RSBN1L: variants seen among roughly 807,000 people sequenced by gnomAD.
RSBN1L encodes round spermatid basic protein 1 like.
In RSBN1L, 30 loss-of-function variants were observed where a neutral mutation model predicts 67.7. That is an observed-to-expected ratio of 0.44 (90% CI 0.33 to 0.60). The LOEUF (loss-of-function observed/expected upper bound fraction) is 0.60. RSBN1L is among the 20% of genes least tolerant of loss of function. The pLI, the probability that RSBN1L is intolerant of heterozygous loss-of-function variation, is 0.02. For missense variants in RSBN1L, 992 were observed against 1,031.7 expected (o/e 0.96, Z 0.53); for synonymous variants, 433 against 387.0 (o/e 1.12, Z -1.39).
In RSBN1L at chr7:77,782,378, C is replaced by T. The variant is rs1166519482; in HGVS notation, c.*3210C>T. 2.0e-5 allele frequency: 3 copies of T among 152,068 alleles called. No individual in the cohort carries two copies. Among genetic ancestry groups the T allele is most frequent in the African/African-American group, 7.2e-5 (3 of 41,386 alleles). 9.4% of individuals were successfully genotyped at this position (152,068 alleles called of 1,614,324 possible). A position where few individuals can be genotyped will look rare whatever the true frequency, so the allele number is the denominator to read the frequency against. On this transcript the variant is annotated 3_prime_UTR_variant, in exon 8 of 8. Coordinates refer to ENST00000334955, the MANE Select transcript of RSBN1L (RefSeq NM_198467.3). ...GACCTTTACATAAAAACTAAGGTAC[C>T]TCAGTGGAATCTGCTACAGTGCTTC...
intron 5 of RSBN1L, among the ~76,000 whole-genome samples, chr7:77,771,663 C>T (rs1040457586): frequency 6.6e-6 from 1 of 151,980 alleles, no homozygotes; most frequent in African/African-American, 2.4e-5. Flanking sequence ...GCGTGAACCA[C>T]CATTCCCAGC....
intron 1 of RSBN1L, among the ~76,000 whole-genome samples, chr7:77,730,082 CT>C (rs1791254947): frequency 6.6e-6 from 1 of 152,020 alleles, no homozygotes. Flanking sequence ...TATATGATTT[CT>C]TTTTTGTTCT....
intron 1 of RSBN1L, among the ~76,000 whole-genome samples, chr7:77,726,571 C>T (rs1272751504): frequency 6.6e-6 from 1 of 152,058 alleles, no homozygotes; most frequent in East Asian, 1.9e-4. Context: ...CTAGCTTTCC[C>T]TACTGATTTC....
chr7:77,705,957 G>A (rs933148395), intron 1 of RSBN1L, among the ~76,000 whole-genome samples: 3 of 151,950 alleles, frequency 2.0e-5, no homozygotes, highest in Non-Finnish European at 4.4e-5. Context: ...CTGGAGTGCT[G>A]TGATGTGATC....
intron 1 of RSBN1L, among the ~76,000 whole-genome samples, chr7:77,714,270 T>C (rs1791014810): frequency 6.6e-6 from 1 of 152,214 alleles, no homozygotes; most frequent in African/African-American, 2.4e-5. Context: ...TTTAGGTATA[T>C]AGTTTTATGA....
At position 77,728,153 on chromosome 7, in the gene RSBN1L, C is replaced by G. The variant is rs1791230886; in HGVS notation, c.587-8257C>G. ...GCTCTTTTATGCTGGGTCCTCCGAT[C>G]TCACATTGTCTTCCTTTGTTTACTA... On this transcript the variant is annotated intron_variant, in intron 1 of 7. Transcript: ENST00000334955. Among the ~76,000 whole-genome samples, 5 of 152,182 alleles carry G rather than the reference C, an allele frequency of 3.3e-5. No individual in the cohort carries two copies. In the South Asian group the frequency reaches 1.0e-3, roughly 32 times the overall value.
chr7:77,704,513 C>G (rs931306249), intron 1 of RSBN1L, among the ~76,000 whole-genome samples: 1 of 152,160 alleles, frequency 6.6e-6, no homozygotes, highest in Non-Finnish European at 1.5e-5. Context: ...ACATTGAATT[C>G]TGGGTGTACC....
chr7:77,763,853 G>C (rs75957284), intron 3 of RSBN1L, among the ~76,000 whole-genome samples: 208 of 152,318 alleles, frequency 1.4e-3, no homozygotes, highest in African/African-American at 4.8e-3. Flanking sequence ...TAACTTGTAG[G>C]AATGGTTTGT....
At chr7:77,724,271 T>C (rs1165636206) in intron 1 of RSBN1L, among the ~76,000 whole-genome samples, 1 of 152,086 alleles carries the variant, frequency 6.6e-6, no homozygotes, top group Non-Finnish European at 1.5e-5. Context: ...ACTTTGAATT[T>C]TTTTTTCTTG....
intron 1 of RSBN1L, among the ~76,000 whole-genome samples, chr7:77,728,784 TGGGGTGCCTCGCATATTTGGGGA>T (rs1562799116): frequency 6.6e-6 from 1 of 152,198 alleles, no homozygotes; most frequent in East Asian, 1.9e-4. Context: ...GATTTTTCTA[TGGGGTGCCTCGCATATTTGGGGA>T]GGGGAATCAC....
chr7:77,719,636 C>T (rs939978870), intron 1 of RSBN1L, among the ~76,000 whole-genome samples: 6 of 152,134 alleles, frequency 3.9e-5, no homozygotes, highest in Admixed American at 1.3e-4. Flanking sequence ...TGAGAACAGA[C>T]GAAATGCTTT....
Position 77,766,452 on chromosome 7 carries a change from T to TG in RSBN1L, c.1482+823dup, listed in dbSNP as rs61614886. The stretch of plus-strand genomic sequence containing the variant: ...CTCCTGTCTTGGCCTTCCAAAGTGC[T>TG]GGGATTACAGGTGTGAGCCACTGTG... On this transcript the variant is annotated intron_variant, in intron 4 of 7. Coordinates refer to ENST00000334955, the MANE Select transcript of RSBN1L (RefSeq NM_198467.3). Among the ~76,000 whole-genome samples, 847 of 152,286 alleles carry TG rather than the reference T, an allele frequency of 5.6e-3. 5 individuals are homozygous for TG. The highest frequency in any genetic ancestry group is 0.018 in the African/African-American group (746 of 41,566).
At position 77,705,485 on chromosome 7, in the gene RSBN1L, A is replaced by G. The variant is rs1485523765; in HGVS notation, c.586+8430A>G. Among the ~76,000 whole-genome samples the G allele has an allele frequency of 3.4e-5, 5 of 149,026 alleles. No homozygotes were observed. The East Asian group carries it at 9.8e-4, about 29-fold the overall frequency. On this transcript the variant is annotated intron_variant, in intron 1 of 7. Coordinates refer to ENST00000334955, the MANE Select transcript of RSBN1L (RefSeq NM_198467.3). ...TAAATTTGATTACTTGATTGAGGTG[A>G]CCACTAGGTCTCTCCATTGTAATGG...
At chr7:77,718,540 C>T (rs1250422063) in intron 1 of RSBN1L, among the ~76,000 whole-genome samples, 1 of 152,112 alleles carries the variant, frequency 6.6e-6, no homozygotes, top group Non-Finnish European at 1.5e-5. Flanking sequence ...ATCTGCCTGC[C>T]CCGGCCTCTC....
In RSBN1L at chr7:77,778,714, A is replaced by T. The variant is rs1337016164; in HGVS notation, c.2087A>T (p.Glu696Val). The T allele has an allele frequency of 9.3e-6, 15 of 1,613,984 alleles. No individual in the cohort carries two copies. Among genetic ancestry groups the T allele is most frequent in the Non-Finnish European group, 1.3e-5 (15 of 1,180,008 alleles). Residue 696 changes from glutamate (E) to valine (V), a missense_variant, in exon 8 of 8, where the codon GAG becomes GTG. Coordinates refer to ENST00000334955, the MANE Select transcript of RSBN1L (RefSeq NM_198467.3). ...WHIRLKLYHS[E>V]EDTSQNTATH... ...ATTCGGCTCAAATTATATCACTCAG[A>T]GGAGGACACTTCTCAGAATACAGCT...
intron 1 of RSBN1L, among the ~76,000 whole-genome samples, chr7:77,719,381 C>G (rs1791087287): frequency 6.6e-6 from 1 of 152,158 alleles, no homozygotes; most frequent in African/African-American, 2.4e-5. Context: ...ATATTGTTAT[C>G]ATTAAGAACT....
intron 1 of RSBN1L, among the ~76,000 whole-genome samples, chr7:77,728,680 A>G (rs1370100259): frequency 1.3e-5 from 2 of 152,218 alleles, no homozygotes; most frequent in African/African-American, 4.8e-5. Context: ...ATTAAGGCAG[A>G]AATTGTTTTC....
chr7:77,763,890 T>C (rs1268165509), intron 3 of RSBN1L, among the ~76,000 whole-genome samples: 3 of 152,300 alleles, frequency 2.0e-5, no homozygotes, highest in South Asian at 2.1e-4. Flanking sequence ...TTTGTAACAG[T>C]TTAGGAAAAT....
At chr7:77,764,960 G>C (rs1470222246) in intron 3 of RSBN1L, among the ~76,000 whole-genome samples, 1 of 152,122 alleles carries the variant, frequency 6.6e-6, no homozygotes, top group East Asian at 1.9e-4. Flanking sequence ...AGTTTCTCAT[G>C]AGAGTTAATA....
Sources: allele counts gnomAD v4.1 joint callset (sites outside exome capture counted in the v4.1 genomes callset), GRCh38; gene constraint gnomAD v4.1.1; transcripts MANE v1.5; gene names NCBI Gene and HGNC (gene_info 2026-07-23, HGNC 2026-07-21).